The following CDH20 variants were observed in gnomAD, a reference collection of about 807,000 sequenced individuals.
CDH20 encodes cadherin-20.
A neutral mutation model predicts 74.2 loss-of-function variants in CDH20; 29 were observed. That is an observed-to-expected ratio of 0.39 (90% CI 0.29 to 0.53). CDH20 has a LOEUF of 0.53. Ranked by LOEUF, CDH20 falls within the 20% of genes least tolerant of loss-of-function variation. CDH20 has a pLI of 0.69. For synonymous variants in CDH20, 469 were observed against 405.4 expected (o/e 1.16, Z -1.88); for missense variants, 988 against 1,048.3 (o/e 0.94, Z 0.79).
At chr18:61,395,554 A>ATG (rs1911935776) in intron 1 of CDH20, among the ~76,000 whole-genome samples, 1 of 152,098 alleles carries the variant, frequency 6.6e-6, no homozygotes, top group Non-Finnish European at 1.5e-5. Context: ...TGAACCACTG[A>ATG]TGCCCCTGGT....
intron 11 of CDH20, 79 bp downstream of exon 11, chr18:61,550,308 A>G (rs183725975): frequency 0.018 from 27,359 of 1,521,602 alleles, 313 homozygotes; most frequent in South Asian, 0.03. Context: ...TTCCTGACAC[A>G]GCTATTCAGA....
chr18:61,462,713 C>A (rs1599101640), intron 1 of CDH20, among the ~76,000 whole-genome samples: 4 of 84,880 alleles, frequency 4.7e-5, no homozygotes, highest in South Asian at 4.7e-4. Flanking sequence ...GAATATCTTA[C>A]AAAAAAAAAA....
chr18:61,491,031 G>C (rs1376480972), intron 2 of CDH20, among the ~76,000 whole-genome samples: 2 of 152,110 alleles, frequency 1.3e-5, no homozygotes, highest in African/African-American at 4.8e-5. Context: ...GTGGGAATTG[G>C]GATTTGGAGG....
intron 7 of CDH20, among the ~76,000 whole-genome samples, chr18:61,535,905 G>A (rs921501744): frequency 1.1e-4 from 17 of 152,014 alleles, no homozygotes; most frequent in African/African-American, 3.9e-4. Context: ...AGCCAGATCC[G>A]GTCCATCCTG....
intron 1 of CDH20, among the ~76,000 whole-genome samples, chr18:61,452,005 T>A (rs1163364946): frequency 6.6e-6 from 1 of 152,192 alleles, no homozygotes; most frequent in African/African-American, 2.4e-5. Context: ...AATGATTCAA[T>A]CATTATAGCT....
intron 2 of CDH20, among the ~76,000 whole-genome samples, chr18:61,498,606 C>T (rs1189915457): frequency 6.6e-6 from 1 of 152,120 alleles, no homozygotes; most frequent in East Asian, 1.9e-4. Flanking sequence ...GAAACACAAG[C>T]CCAGTCCTAC....
intron 1 of CDH20, among the ~76,000 whole-genome samples, chr18:61,380,886 T>C (rs1273989737): frequency 6.6e-6 from 1 of 152,218 alleles, no homozygotes. Flanking sequence ...TGGTAGCATA[T>C]ATTGCTGAAG....
chr18:61,510,286 C>T (rs902700511), intron 6 of CDH20, among the ~76,000 whole-genome samples: 5 of 152,018 alleles, frequency 3.3e-5, no homozygotes, highest in African/African-American at 4.8e-5. Context: ...GACTGAGGGG[C>T]GACCAGGGAG....
intron 1 of CDH20, among the ~76,000 whole-genome samples, chr18:61,468,510 T>A (rs930247281): frequency 1.3e-5 from 2 of 152,200 alleles, no homozygotes; most frequent in African/African-American, 4.8e-5. Flanking sequence ...CTTTTTCTTA[T>A]CTCTCCTAAG....
At chr18:61,477,306 TA>T (rs1205485956) in intron 1 of CDH20, among the ~76,000 whole-genome samples, 6 of 152,160 alleles carry the variant, frequency 3.9e-5, no homozygotes, top group Non-Finnish European at 8.8e-5. Context: ...TTATCTTCCA[TA>T]AAGGTAACTG....
At chr18:61,381,975 C>CA (rs1911447230) in intron 1 of CDH20, among the ~76,000 whole-genome samples, 1 of 152,294 alleles carries the variant, frequency 6.6e-6, no homozygotes, top group African/African-American at 2.4e-5. Context: ...CTACCCCCCC[C>CA]AGTATGGTCA....
At position 61,343,024 on chromosome 18, in the gene CDH20, A is replaced by G. The variant is rs180728457; in HGVS notation, c.-153+9197A>G. ...AACAATGGTTGTAAGGGCATTGTCC[A>G]CAGTGCCCCCAAAAGCCCATTAATA... On this transcript the variant is annotated intron_variant, in intron 1 of 11. Coordinates refer to ENST00000262717, the MANE Select transcript of CDH20 (RefSeq NM_031891.4). Among the ~76,000 whole-genome samples, 280 of 152,288 alleles carry G rather than the reference A, an allele frequency of 1.8e-3. 1 individual carries two copies. The highest frequency in any genetic ancestry group is 6.2e-3 in the African/African-American group (256 of 41,552).
intron 10 of CDH20, among the ~76,000 whole-genome samples, chr18:61,546,922 G>T (rs1286546813): frequency 1.3e-5 from 2 of 152,182 alleles, no homozygotes; most frequent in African/African-American, 4.8e-5. Context: ...TAGGCACAGT[G>T]GCTCATGCCT....
chr18:61,498,665 G>A lies in CDH20; in HGVS notation c.247-521G>A, dbSNP rs146884654. 3.6e-4 allele frequency among the ~76,000 whole-genome samples: 55 copies of A among 152,244 alleles called. No individual in the cohort carries two copies. In the East Asian group the frequency reaches 8.7e-3, roughly 24 times the overall value. On this transcript the variant is annotated intron_variant, in intron 2 of 11. Coordinates refer to ENST00000262717, the MANE Select transcript of CDH20 (RefSeq NM_031891.4). ...TCACAGAATGGGAGGAAGAATCCAC[G>A]GAGGTCATTCACTTTTCTCACTGCA...
intron 1 of CDH20, among the ~76,000 whole-genome samples, chr18:61,450,651 C>T (rs1361697757): frequency 6.6e-6 from 1 of 152,028 alleles, no homozygotes; most frequent in African/African-American, 2.4e-5. Context: ...ACGATTTGTA[C>T]ATATCCTTCC....
chr18:61,461,456 C>T (rs1027907603), intron 1 of CDH20, among the ~76,000 whole-genome samples: 6 of 152,016 alleles, frequency 3.9e-5, no homozygotes, highest in African/African-American at 1.2e-4. Flanking sequence ...TTGGCTCCTC[C>T]GGCTTCTCAT....
At chr18:61,350,516 A>C (rs956629948) in intron 1 of CDH20, among the ~76,000 whole-genome samples, 2 of 152,148 alleles carry the variant, frequency 1.3e-5, no homozygotes, top group Non-Finnish European at 2.9e-5. Flanking sequence ...ACTAGAACTT[A>C]TTATTATCTT....
intron 1 of CDH20, among the ~76,000 whole-genome samples, chr18:61,467,873 A>G (rs142417326): frequency 6.6e-6 from 1 of 152,312 alleles, no homozygotes; most frequent in East Asian, 1.9e-4. Flanking sequence ...ACTAGTACTA[A>G]TAACTAGTAT....
intron 1 of CDH20, among the ~76,000 whole-genome samples, chr18:61,462,715 A>C (rs898566727): frequency 7.9e-5 from 3 of 38,122 alleles, no homozygotes; most frequent in South Asian, 8.9e-4. Flanking sequence ...ATATCTTACA[A>C]AAAAAAAAAG....
Sources: gnomAD v4.1 joint callset for allele counts (sites outside exome capture counted in the v4.1 genomes callset) on GRCh38, gnomAD v4.1.1 for gene constraint, MANE v1.5 for transcripts, NCBI Gene and HGNC (gene_info 2026-07-23, HGNC 2026-07-21) for gene names.